The following CCDC152 variants were observed in gnomAD, a reference collection of about 807,000 sequenced individuals.
The protein encoded by CCDC152 is coiled-coil domain containing 152.
CCDC152 carries 37 observed loss-of-function variants against 38.1 expected under a neutral mutation model. That is an observed-to-expected ratio of 0.97 (90% confidence interval 0.75 to 1.28). The LOEUF (loss-of-function observed/expected upper bound fraction) is 1.28. Among genes scored for constraint, CCDC152 ranks in the 50% most tolerant of loss-of-function variants. The probability of loss-of-function intolerance (pLI) is 0.00; values close to 1 mark genes in which losing one functional copy is unlikely to be tolerated. For synonymous variants in CCDC152, 83 were observed against 87.1 expected (o/e 0.95, Z 0.26); for missense variants, 259 against 292.1 (o/e 0.89, Z 0.83).
intron 3 of CCDC152, among the ~76,000 whole-genome samples, chr5:42,768,107 T>C (rs1464255599): frequency 6.6e-6 from 1 of 152,208 alleles, no homozygotes; most frequent in Non-Finnish European, 1.5e-5. Context: ...AATACTCTCA[T>C]TTCTATCAGC....
chr5:42,769,783 C>G (rs1759673706), intron 4 of CCDC152, 118 bp downstream of exon 4: 5 of 1,159,872 alleles, frequency 4.3e-6, no homozygotes, highest in Non-Finnish European at 4.6e-6. Flanking sequence ...AAGAGGACTC[C>G]TTACTACTTA....
chr5:42,799,199 T>C (rs921768320), intron 7 of CCDC152, among the ~76,000 whole-genome samples, 176 bp from the exon 8 acceptor site: 6 of 152,216 alleles, frequency 3.9e-5, no homozygotes, highest in Non-Finnish European at 8.8e-5. Flanking sequence ...CTTGTTTTTC[T>C]GTTCTTTGCT....
chr5:42,796,024 G>A (rs888365562), intron 6 of CCDC152, among the ~76,000 whole-genome samples: 1 of 151,226 alleles, frequency 6.6e-6, no homozygotes, highest in Non-Finnish European at 1.5e-5. Context: ...CTCACTCATA[G>A]GTGGGAATTG....
rs778953627 is a variant in CCDC152, at chr5:42,801,826, A to C, written c.*2045A>C. The C allele has an allele frequency of 6.5e-6, 1 of 154,540 alleles. No individual in the cohort carries two copies. The highest frequency in any genetic ancestry group is 1.4e-5 in the Non-Finnish European group (1 of 69,806). 9.6% of individuals were successfully genotyped at this position (154,540 alleles called of 1,614,324 possible). Reference sequence around the variant, plus strand: ...CAGCTACTTGTGAGGCTGAGGTGGGAGGATCGTTTGAGCCTGCAAGATGGA... The same window carrying C: ...CAGCTACTTGTGAGGCTGAGGTGGGCGGATCGTTTGAGCCTGCAAGATGGA... On this transcript the variant is annotated 3_prime_UTR_variant, in exon 9 of 9. Coordinates refer to ENST00000361970, the MANE Select transcript of CCDC152 (RefSeq NM_001134848.2).
At chr5:42,778,188 C>G (rs967985030) in intron 4 of CCDC152, among the ~76,000 whole-genome samples, 1 of 152,196 alleles carries the variant, frequency 6.6e-6, no homozygotes, top group African/African-American at 2.4e-5. Context: ...CTACATATTT[C>G]CATATTCTAG....
chr5:42,799,828 A>G lies in CCDC152; in HGVS notation c.*47A>G, dbSNP rs1453150529. ...TTGGTATTTATTTAAAAGCAATCGA[A>G]AGTTTCACTTCTGTTTTCAATATAT... On this transcript the variant is annotated 3_prime_UTR_variant, in exon 9 of 9. Transcript: ENST00000361970. The G allele has an allele frequency of 4.5e-6, 7 of 1,540,438 alleles. No homozygotes were observed. The highest frequency in any genetic ancestry group is 6.1e-6 in the Non-Finnish European group (7 of 1,142,250).
intron 4 of CCDC152, among the ~76,000 whole-genome samples, chr5:42,775,494 T>G (rs144943859): frequency 2.6e-4 from 40 of 152,176 alleles, no homozygotes; most frequent in African/African-American, 9.6e-4. Context: ...GTCCAGAAAG[T>G]AGAAATAAAG....
rs963092285 is a variant in CCDC152 at position 42,799,430 on chromosome 5, C to T, written c.614C>T (p.Thr205Ile). ...QTKSKSYQDS[T>I]VLPQSIYRRK... ...AAATCAAAATCATATCAGGATTCTA[C>T]TGTTTTGCCACAAAGTATCTACAGA... Residue 205 changes from threonine (T) to isoleucine (I), a missense_variant, in exon 8 of 9, where the codon ACT (threonine) becomes ATT (isoleucine). Coordinates refer to ENST00000361970, the MANE Select transcript of CCDC152 (RefSeq NM_001134848.2). The T allele has an allele frequency of 9.1e-6, 14 of 1,545,406 alleles. No individual in the cohort carries two copies. In the Admixed American group the frequency reaches 1.6e-4, roughly 18 times the overall value.
chr5:42,769,868 T>C (rs1170931201), intron 4 of CCDC152, among the ~76,000 whole-genome samples: 2 of 152,208 alleles, frequency 1.3e-5, no homozygotes, highest in Non-Finnish European at 2.9e-5. Flanking sequence ...TTCTATCTGA[T>C]AGTGACATAA....
At chr5:42,795,665 C>A (rs889678461) in intron 6 of CCDC152, among the ~76,000 whole-genome samples, 3 of 152,140 alleles carry the variant, frequency 2.0e-5, no homozygotes, top group Non-Finnish European at 2.9e-5. Flanking sequence ...TTAAATCATA[C>A]AGAGTAGGAT....
chr5:42,762,820 A>G (rs997096422), intron 3 of CCDC152, among the ~76,000 whole-genome samples: 1 of 152,230 alleles, frequency 6.6e-6, no homozygotes, highest in African/African-American at 2.4e-5. Context: ...GAAATGGCCA[A>G]TTGAAGTCTC....
In CCDC152 at chr5:42,801,402, T is replaced by C. The variant is rs1760199330; in HGVS notation, c.*1621T>C. 8.5e-7 allele frequency: 1 copy of C among 1,174,408 alleles called. No homozygotes were observed. The highest frequency in any genetic ancestry group is 1.2e-6 in the Non-Finnish European group (1 of 834,176). The allele number at this position is 1,174,408 out of a possible 1,614,324, so 72.7% of individuals were successfully genotyped here. On this transcript the variant is annotated 3_prime_UTR_variant, in exon 9 of 9. Transcript: ENST00000361970. ...GGAATAATGCGTGAAAAATGATTTG[T>C]AGAGCTAACATGTGAAATTCCAACT... is the stretch of plus-strand genomic sequence containing the variant.
chr5:42,778,399 C>A (rs1759796004), intron 4 of CCDC152, among the ~76,000 whole-genome samples: 1 of 152,158 alleles, frequency 6.6e-6, no homozygotes, highest in South Asian at 2.1e-4. Flanking sequence ...TTCTTTCCCA[C>A]TTCTATTGAC....
At chr5:42,783,635 T>G (rs1282425602) in intron 6 of CCDC152, 59 bp downstream of exon 6, 48 of 797,284 alleles carry the variant, frequency 6.0e-5, no homozygotes, top group South Asian at 9.1e-5. Flanking sequence ...ATGTGTGGGT[T>G]TGTTACATGG....
At chr5:42,759,322 A>G in intron 2 of CCDC152, 114 bp downstream of exon 2, 2 of 578,910 alleles carry the variant, frequency 3.5e-6, no homozygotes, top group Non-Finnish European at 6.1e-6. Context: ...AGATAATAAT[A>G]TTATATTTTG....
chr5:42,797,081 C>T (rs1465470118), intron 7 of CCDC152, 125 bp downstream of exon 7: 1 of 661,522 alleles, frequency 1.5e-6, no homozygotes, highest in Non-Finnish European at 2.5e-6. Flanking sequence ...GGGCTTCACA[C>T]ATGCTCATTC....
At chr5:42,758,736 T>A (rs913951324) in intron 1 of CCDC152, among the ~76,000 whole-genome samples, 1 of 152,202 alleles carries the variant, frequency 6.6e-6, no homozygotes, top group South Asian at 2.1e-4. Flanking sequence ...TATTTACCAG[T>A]TTACCAAACA....
chr5:42,762,665 A>G, intron 3 of CCDC152, 117 bp downstream of exon 3: 2 of 660,928 alleles, frequency 3.0e-6, no homozygotes, highest in Non-Finnish European at 2.7e-6. Flanking sequence ...AGAATTTTCC[A>G]GATTATCATC....
At chr5:42,760,303 CAAAAAAAAAAA>C (rs148225690) in intron 2 of CCDC152, among the ~76,000 whole-genome samples, 2 of 105,794 alleles carry the variant, frequency 1.9e-5, no homozygotes, top group South Asian at 6.5e-4. Context: ...GACTCCGTCT[CAAAAAAAAAAA>C]AAAAAAAAAG....
Sources: gnomAD v4.1 joint callset for allele counts (sites outside exome capture counted in the v4.1 genomes callset) on GRCh38, gnomAD v4.1.1 for gene constraint, MANE v1.5 for transcripts, NCBI Gene and HGNC (gene_info 2026-07-23, HGNC 2026-07-21) for gene names.